RPP14: variants seen among roughly 807,000 people sequenced by gnomAD.
RPP14 encodes ribonuclease P protein subunit p14.
In RPP14, 19 loss-of-function variants were observed where a neutral mutation model predicts 17.8. The ratio of observed to expected loss-of-function variants is 1.07; its 90% CI spans 0.74 to 1.57. RPP14 has a LOEUF of 1.57. Ranked by LOEUF, RPP14 falls within the 40% of genes most tolerant of loss-of-function variation. The probability of loss-of-function intolerance (pLI) is 0.00; values close to 1 mark genes in which losing one functional copy is unlikely to be tolerated. For synonymous variants in RPP14, 60 were observed against 56.4 expected (o/e 1.06, Z -0.29); for missense variants, 125 against 140.8 (o/e 0.89, Z 0.57).
intron 3 of RPP14, among the ~76,000 whole-genome samples, chr3:58,312,339 C>A (rs1238882796): frequency 5.5e-5 from 7 of 127,226 alleles, no homozygotes; most frequent in Non-Finnish European, 8.3e-5. Context: ...TCCGCACCCC[C>A]CCCCGCCCCT....
At chr3:58,314,675 ATTTT>A (rs751757663) in intron 3 of RPP14, among the ~76,000 whole-genome samples, 2 of 90,580 alleles carry the variant, frequency 2.2e-5, no homozygotes, top group African/African-American at 4.4e-5. Context: ...GTTTGGCAGT[ATTTT>A]TTTTTTTTTT....
chr3:58,312,655 T>C (rs953842408), intron 3 of RPP14, among the ~76,000 whole-genome samples: 1 of 152,048 alleles, frequency 6.6e-6, no homozygotes, highest in Non-Finnish European at 1.5e-5. Context: ...GCAGAACCAC[T>C]TTTAATGAGA....
At chr3:58,314,707 A>G (rs772917817) in intron 3 of RPP14, among the ~76,000 whole-genome samples, 7 of 72,452 alleles carry the variant, frequency 9.7e-5, no homozygotes, top group East Asian at 9.8e-4. Context: ...TTTTGTTGAG[A>G]TGGAGTCTCG....
Position 58,310,528 on chromosome 3 carries a change from T to A in RPP14, c.99T>A (p.Val33=), listed in dbSNP as rs2097481041. The A allele has an allele frequency of 6.2e-7, 1 of 1,611,728 alleles. No homozygotes were observed. The highest frequency in any genetic ancestry group is 8.5e-7 in the Non-Finnish European group (1 of 1,179,440). The change falls in exon 3 of 6, where the codon GTT becomes GTA. Residue 33 remains valine, a synonymous_variant. Coordinates refer to ENST00000295959, the MANE Select transcript of RPP14 (RefSeq NM_007042.6). ...TTAGAGAATTTCAAGATTGTGGAGTTGGACTGAATGCTGCACAGTTCAAAC... is the reference window on the plus strand; with the variant it reads ...TTAGAGAATTTCAAGATTGTGGAGTAGGACTGAATGCTGCACAGTTCAAAC... ...KVCLEFQDCG[V]GLNAAQFKQL...
intron 1 of RPP14, 62 bp from the exon 2 acceptor site, chr3:58,310,247 C>T (rs2097480661): frequency 1.5e-6 from 2 of 1,351,994 alleles, no homozygotes; most frequent in East Asian, 2.3e-5. Context: ...GCCAAATTCT[C>T]ATCAAAACTC....
At chr3:58,313,924 T>G (rs2097485104) in intron 3 of RPP14, among the ~76,000 whole-genome samples, 1 of 152,268 alleles carries the variant, frequency 6.6e-6, no homozygotes, top group Non-Finnish European at 1.5e-5. Context: ...CAGTGGCTCA[T>G]GCCCGTAATC....
At chr3:58,307,489 C>T (rs2097476756) in intron 1 of RPP14, among the ~76,000 whole-genome samples, 1 of 152,174 alleles carries the variant, frequency 6.6e-6, no homozygotes, top group African/African-American at 2.4e-5. Context: ...TTTGAGGGGG[C>T]CGAGGTCGGC....
At position 58,316,549 on chromosome 3, in the gene RPP14, A is replaced by G. The variant is rs1188266785; in HGVS notation, c.197A>G (p.Tyr66Cys). The G allele has an allele frequency of 4.3e-6, 7 of 1,614,186 alleles. No individual in the cohort carries two copies. The South Asian group carries it at 4.4e-5, about 10-fold the overall frequency. ...DAALPLDILTYEEKTLSAILR... is the reference protein window; with the variant it reads ...DAALPLDILTCEEKTLSAILR... ...GCCTTACCTTTGGACATCCTAACCT[A>G]TGAAGAGAAGACCTTGTCAGCCATC... Residue 66 changes from tyrosine to cysteine, a missense_variant, in exon 4 of 6, where the codon TAT (tyrosine) becomes TGT (cysteine). Physicochemically the swap from Tyr to Cys is radical, Grantham distance 194 (BLOSUM62 -2). Coordinates refer to ENST00000295959, the MANE Select transcript of RPP14 (RefSeq NM_007042.6).
rs2097474324 is a variant in RPP14, at chr3:58,306,293, A to G, written c.-146A>G. Reference sequence around the variant, plus strand: ...CGTGGGGCGGGACGAGGAGAAGCCAAACGTAAAGACACCAGGAGTTTCTCG... The same window carrying G: ...CGTGGGGCGGGACGAGGAGAAGCCAGACGTAAAGACACCAGGAGTTTCTCG... On this transcript the variant is annotated 5_prime_UTR_variant, in exon 1 of 6. Transcript: ENST00000295959. 6.6e-6 allele frequency: 1 copy of G among 152,328 alleles called. No individual in the cohort carries two copies. The highest frequency in any genetic ancestry group is 1.5e-5 in the Non-Finnish European group (1 of 68,122). The allele number at this position is 152,328 out of a possible 1,614,324, so 9.4% of individuals were successfully genotyped here.
rs796240550 is a variant in RPP14 at position 58,316,218 on chromosome 3, A to G, written c.163-297A>G. Among the ~76,000 whole-genome samples, 16 of 152,338 alleles carry G rather than the reference A, an allele frequency of 1.1e-4. No individual in the cohort carries two copies. In the South Asian group the frequency reaches 2.1e-3, roughly 20 times the overall value. On this transcript the variant is annotated intron_variant, in intron 3 of 5. Transcript: ENST00000295959. ...TAAAGGGAATTATGAAAGAGAAAGT[A>G]TGGTGTCCTGTACAAGAAAGAACAT...
chr3:58,312,103 C>G (rs2097482882), intron 3 of RPP14, among the ~76,000 whole-genome samples: 1 of 152,096 alleles, frequency 6.6e-6, no homozygotes, highest in Non-Finnish European at 1.5e-5. Context: ...ATCCTCCTGC[C>G]TTGGCCTCCC....
chr3:58,318,123 TAGATGTTTTAA>T lies in RPP14; in HGVS notation c.*633_*643del, dbSNP rs2097490315. On this transcript the variant is annotated 3_prime_UTR_variant, in exon 6 of 6. Transcript: ENST00000295959. ...TTCCAGAAGCTTCCAAATCCTGAAA[TAGATGTTTTAA>T]AGATGCAACCTCAAACACCAATGCT... 1 of 633,858 alleles carries T rather than the reference TAGATGTTTTAA, an allele frequency of 1.6e-6. No homozygotes were observed. Among genetic ancestry groups the T allele is most frequent in the South Asian group, 1.8e-5 (1 of 54,830 alleles). 39.3% of individuals were successfully genotyped at this position (633,858 alleles called of 1,614,324 possible). A position where few individuals can be genotyped will look rare whatever the true frequency, so the allele number is the denominator to read the frequency against.
chr3:58,314,006 T>C (rs1188459296), intron 3 of RPP14, among the ~76,000 whole-genome samples: 1 of 152,190 alleles, frequency 6.6e-6, no homozygotes, highest in Non-Finnish European at 1.5e-5. Context: ...TGGTAAACTA[T>C]GATTGCACTA....
chr3:58,310,468 G>T (rs2097480922), intron 2 of RPP14, 39 bp from the exon 3 acceptor site: 1 of 1,590,186 alleles, frequency 6.3e-7, no homozygotes, highest in African/African-American at 1.4e-5. Flanking sequence ...TGAATAGAAT[G>T]AAATTTAATA....
At chr3:58,315,417 TA>T (rs2097487232) in intron 3 of RPP14, among the ~76,000 whole-genome samples, 1 of 152,098 alleles carries the variant, frequency 6.6e-6, no homozygotes, top group Non-Finnish European at 1.5e-5. Flanking sequence ...AAGGGTAGAA[TA>T]AGGGAGTCTT....
At chr3:58,310,700 G>C in intron 3 of RPP14, 109 bp downstream of exon 3, 1 of 837,808 alleles carries the variant, frequency 1.2e-6, no homozygotes. Flanking sequence ...TGGAGGCCGA[G>C]GTGGGCAGAT....
At chr3:58,309,745 AGC>A (rs1159095545) in intron 1 of RPP14, among the ~76,000 whole-genome samples, 1 of 152,086 alleles carries the variant, frequency 6.6e-6, no homozygotes, top group Non-Finnish European at 1.5e-5. Flanking sequence ...CAAAAAAGGT[AGC>A]CGGGCGTGGT....
chr3:58,309,156 TCTC>T (rs906052175), intron 1 of RPP14, among the ~76,000 whole-genome samples: 6 of 152,202 alleles, frequency 3.9e-5, no homozygotes, highest in Non-Finnish European at 7.3e-5. Flanking sequence ...CCCTCATTCT[TCTC>T]TTTGTGTTCT....
At chr3:58,313,357 T>C (rs117706129) in intron 3 of RPP14, among the ~76,000 whole-genome samples, 2,103 of 152,348 alleles carry the variant, frequency 0.014, 162 homozygotes, top group Admixed American at 0.12. Flanking sequence ...TATTTTGTCA[T>C]AGACCAGCAT....
Sources: allele counts gnomAD v4.1 joint callset (sites outside exome capture counted in the v4.1 genomes callset), GRCh38; gene constraint gnomAD v4.1.1; transcripts MANE v1.5; gene names NCBI Gene and HGNC (gene_info 2026-07-23, HGNC 2026-07-21).